Variants in FBN2 observed in about 807,000 individuals in gnomAD.
The protein encoded by FBN2 is fibrillin 2, also known as fibrillin-2.
FBN2 carries 105 observed loss-of-function variants against 355.6 expected under a neutral mutation model. That is an observed-to-expected ratio of 0.30 (90% confidence interval 0.25 to 0.35). The LOEUF is 0.35. Ranked by LOEUF, FBN2 falls within the 10% of genes least tolerant of loss-of-function variation. The pLI is 1.00. For missense variants in FBN2, 3,280 were observed against 3,758.7 expected (o/e 0.87, Z 3.33); for synonymous variants, 1,350 against 1,301.2 (o/e 1.04, Z -0.81).
rs117835266 is a variant in FBN2 at position 128,472,419 on chromosome 5, G to C, written c.629-7498C>G. On this transcript the variant is annotated intron_variant, in intron 5 of 64. Coordinates refer to ENST00000262464, the MANE Select transcript of FBN2 (RefSeq NM_001999.4). ...GGGTAAGGAGATTTCTGTTTTACAA[G>C]ATAAAAAGACTTCTGTGGATGGATG... 3.5e-4 allele frequency among the ~76,000 whole-genome samples: 54 copies of C among 152,262 alleles called. 1 individual carries two copies. The East Asian group carries it at 9.5e-3, about 27-fold the overall frequency.
intron 36 of FBN2, 71 bp downstream of exon 36, chr5:128,318,078 G>A (rs1250907475): frequency 6.7e-7 from 1 of 1,502,982 alleles, no homozygotes; most frequent in Non-Finnish European, 9.3e-7. Flanking sequence ...ACTCATCACG[G>A]TTCATTATCA....
At chr5:128,451,939 G>GT (rs1754259375) in intron 6 of FBN2, among the ~76,000 whole-genome samples, 2 of 151,616 alleles carry the variant, frequency 1.3e-5, no homozygotes, top group Admixed American at 1.3e-4. Flanking sequence ...GATTTATTCT[G>GT]TAACTGCCTA....
At chr5:128,366,961 G>A (rs1031983747) in intron 16 of FBN2, among the ~76,000 whole-genome samples, 3 of 152,104 alleles carry the variant, frequency 2.0e-5, no homozygotes, top group Non-Finnish European at 2.9e-5. Flanking sequence ...TGGAGAAGCC[G>A]ACTTGGCTCC....
intron 51 of FBN2, 97 bp downstream of exon 51, chr5:128,289,785 A>G: frequency 1.4e-6 from 1 of 738,676 alleles, no homozygotes; most frequent in African/African-American, 1.8e-5. Context: ...AATATACTAT[A>G]TGTTACATAG....
At chr5:128,460,593 C>T (rs1279847816) in intron 6 of FBN2, among the ~76,000 whole-genome samples, 1 of 152,158 alleles carries the variant, frequency 6.6e-6, no homozygotes, top group Non-Finnish European at 1.5e-5. Flanking sequence ...CATCACGCTA[C>T]CTGACTTCAA....
chr5:128,335,861 TG>T, intron 28 of FBN2, 126 bp downstream of exon 28: 1 of 996,148 alleles, frequency 1.0e-6, no homozygotes, highest in South Asian at 1.4e-5. Flanking sequence ...AACTGAGATC[TG>T]CCCCTAGTCT....
chr5:128,406,401 C>G (rs1324864141), intron 8 of FBN2, among the ~76,000 whole-genome samples: 1 of 152,128 alleles, frequency 6.6e-6, no homozygotes, highest in East Asian at 1.9e-4. Context: ...TTGTTCTTAC[C>G]ATAGATCTTA....
At chr5:128,394,293 A>C (rs1752592620) in intron 9 of FBN2, among the ~76,000 whole-genome samples, 1 of 152,102 alleles carries the variant, frequency 6.6e-6, no homozygotes, top group Non-Finnish European at 1.5e-5. Flanking sequence ...GTACTTTACT[A>C]CTCATATTAC....
intron 20 of FBN2, among the ~76,000 whole-genome samples, chr5:128,355,167 C>T (rs188568484): frequency 4.3e-4 from 66 of 152,242 alleles, no homozygotes; most frequent in African/African-American, 1.5e-3. Flanking sequence ...GATTAATGAA[C>T]TGTGACAAAT....
intron 48 of FBN2, among the ~76,000 whole-genome samples, chr5:128,296,330 A>T (rs1749509655): frequency 6.6e-6 from 1 of 152,136 alleles, no homozygotes; most frequent in African/African-American, 2.4e-5. Flanking sequence ...CGGCTTTGGT[A>T]TCAGGATGAT....
chr5:128,281,993 A>C (rs1184442511), intron 55 of FBN2, among the ~76,000 whole-genome samples: 1 of 152,104 alleles, frequency 6.6e-6, no homozygotes, highest in Non-Finnish European at 1.5e-5. Context: ...CCCGGCAGGT[A>C]ATTATTTAAG....
intron 8 of FBN2, among the ~76,000 whole-genome samples, chr5:128,402,275 A>C (rs190271304): frequency 1.4e-3 from 212 of 152,310 alleles, no homozygotes; most frequent in Middle Eastern, 3.4e-3. Context: ...AAAGCCTGTA[A>C]AAACAAAATC....
At chr5:128,293,831 TTTAA>T (rs968328695) in intron 48 of FBN2, among the ~76,000 whole-genome samples, 245 of 151,258 alleles carry the variant, frequency 1.6e-3, no homozygotes, top group African/African-American at 5.7e-3. Context: ...TTTTCTTTTT[TTTAA>T]TTAATTAATT....
At chr5:128,334,679 T>C in intron 31 of FBN2, 40 bp downstream of exon 31, 1 of 1,612,286 alleles carries the variant, frequency 6.2e-7, no homozygotes, top group Non-Finnish European at 8.5e-7. Context: ...CTTTGACATC[T>C]GAGAAGTTGA....
At chr5:128,280,510 G>C (rs930300576) in intron 55 of FBN2, among the ~76,000 whole-genome samples, 193 bp from the exon 56 acceptor site, 1 of 151,990 alleles carries the variant, frequency 6.6e-6, no homozygotes, top group Non-Finnish European at 1.5e-5. Context: ...TCTTTCTTAA[G>C]ATAATGTTGT....
rs35020694 is a variant in FBN2 at position 128,474,446 on chromosome 5, C to T, written c.629-9525G>A. On this transcript the variant is annotated intron_variant, in intron 5 of 64. Coordinates refer to ENST00000262464, the MANE Select transcript of FBN2 (RefSeq NM_001999.4). ...GAATATATTTCAGGGAAAAGTGACA[C>T]GTACTCAGAAAACATTTATCCATTA... Among the ~76,000 whole-genome samples, 1,131 of 152,216 alleles carry T rather than the reference C, an allele frequency of 7.4e-3. 10 individuals are homozygous for T. Among genetic ancestry groups the T allele is most frequent in the Middle Eastern group, 0.017 (5 of 294 alleles).
At chr5:128,519,467 A>G (rs1756372381) in intron 4 of FBN2, 99 bp from the exon 5 acceptor site, 3 of 828,118 alleles carry the variant, frequency 3.6e-6, no homozygotes. Flanking sequence ...ATGTTAAATT[A>G]TAGTACATTA....
At chr5:128,507,853 C>T (rs776848665) in intron 5 of FBN2, among the ~76,000 whole-genome samples, 1 of 152,024 alleles carries the variant, frequency 6.6e-6, no homozygotes, top group Non-Finnish European at 1.5e-5. Context: ...TACCTACTCT[C>T]AATTATTGAG....
intron 48 of FBN2, among the ~76,000 whole-genome samples, chr5:128,294,478 T>A (rs2126825385): frequency 6.6e-6 from 1 of 152,102 alleles, no homozygotes; most frequent in East Asian, 1.9e-4. Flanking sequence ...TTCCTATTTC[T>A]CCACATCCTC....
Sources: allele counts gnomAD v4.1 joint callset (sites outside exome capture counted in the v4.1 genomes callset), GRCh38; gene constraint gnomAD v4.1.1; transcripts MANE v1.5; gene names NCBI Gene and HGNC (gene_info 2026-07-23, HGNC 2026-07-21).